GFRA1: variants seen among roughly 807,000 people sequenced by gnomAD.
The protein encoded by GFRA1 is GDNF family receptor alpha-1.
Under a neutral mutation model 51.6 loss-of-function variants are expected in GFRA1, and 16 were observed. The observed-to-expected ratio is 0.31, with a 90% CI of 0.21 to 0.47. GFRA1 has a LOEUF of 0.47. Among genes scored for constraint, GFRA1 ranks in the 20% least tolerant of loss-of-function variants. GFRA1 has a pLI of 1.00. For synonymous variants in GFRA1, 270 were observed against 241.3 expected, an observed-to-expected ratio of 1.12 and a Z score of -1.10; for missense variants, 530 against 594.3, an observed-to-expected ratio of 0.89 and a Z score of 1.13.
At chr10:116,115,872 C>T (rs1269874864) in intron 6 of GFRA1, among the ~76,000 whole-genome samples, 3 of 152,104 alleles carry the variant, frequency 2.0e-5, no homozygotes, top group Non-Finnish European at 4.4e-5. Context: ...GGCTGGTGGA[C>T]AGAGCAGAAG....
At chr10:116,120,375 G>A (rs2244493) in intron 6 of GFRA1, among the ~76,000 whole-genome samples, 128,331 of 152,098 alleles carry the variant, frequency 0.84, 56,807 homozygotes, top group East Asian at 0.98. Context: ...GCCCAAGAGC[G>A]GCCTGGGCAA....
rs1169349809 is a variant in GFRA1, at chr10:116,197,511, CAT to C, written c.433+14118_433+14119del. Among the ~76,000 whole-genome samples, 4 of 152,228 alleles carry C rather than the reference CAT, an allele frequency of 2.6e-5. No individual in the cohort carries two copies. The East Asian group carries it at 7.7e-4, about 29-fold the overall frequency. On this transcript the variant is annotated intron_variant, in intron 5 of 10. Transcript: ENST00000355422. ...TATATATATGTGTCTGTCATTTATA[CAT>C]GTGTGTGCACGTGCATCTGCATATG... is the stretch of plus-strand genomic sequence containing the variant.
chr10:116,098,477 G>A (rs191782383), intron 6 of GFRA1, among the ~76,000 whole-genome samples: 1 of 152,306 alleles, frequency 6.6e-6, no homozygotes, highest in East Asian at 1.9e-4. Context: ...AGCTTGGATT[G>A]AGTGTTAATT....
chr10:116,175,350 G>A (rs150015103), intron 5 of GFRA1, among the ~76,000 whole-genome samples: 8 of 152,228 alleles, frequency 5.3e-5, no homozygotes, highest in Non-Finnish European at 1.2e-4. Flanking sequence ...GTCTAACTAC[G>A]TCCCAGCTCC....
intron 6 of GFRA1, among the ~76,000 whole-genome samples, chr10:116,108,861 G>C (rs1957094988): frequency 6.6e-6 from 1 of 152,226 alleles, no homozygotes; most frequent in East Asian, 1.9e-4. Flanking sequence ...GCCTTGCACA[G>C]AGCAGGTATT....
At chr10:116,162,001 T>G (rs1959858365) in intron 5 of GFRA1, among the ~76,000 whole-genome samples, 1 of 152,236 alleles carries the variant, frequency 6.6e-6, no homozygotes, top group South Asian at 2.1e-4. Flanking sequence ...AATAACCCCC[T>G]TGCTGAGAAG....
At chr10:116,199,754 G>C (rs1043419733) in intron 5 of GFRA1, among the ~76,000 whole-genome samples, 1 of 152,104 alleles carries the variant, frequency 6.6e-6, no homozygotes, top group Admixed American at 6.6e-5. Flanking sequence ...ACAGTGAAAT[G>C]CACAAATCTT....
In GFRA1 at chr10:116,057,280, C is replaced by T. The variant is rs1177090854; in HGVS notation, c.*7118G>A. 4 of 152,160 alleles carry T rather than the reference C, an allele frequency of 2.6e-5. No homozygotes were observed. Among genetic ancestry groups the T allele is most frequent in the Admixed American group, 2.0e-4 (3 of 15,280 alleles). The allele number at this position is 152,160 out of a possible 1,614,324, so 9.4% of individuals were successfully genotyped here. ...ACACAATATAACATGGAGACCCGCC[C>T]GAAGCCTAACTGGAGGCTTCTCAAC... On this transcript the variant is annotated 3_prime_UTR_variant, in exon 11 of 11. Coordinates refer to ENST00000355422, the MANE Select transcript of GFRA1 (RefSeq NM_005264.8).
At chr10:116,099,103 C>A (rs1956719061) in intron 6 of GFRA1, among the ~76,000 whole-genome samples, 1 of 152,310 alleles carries the variant, frequency 6.6e-6, no homozygotes. Context: ...AGGATACTCA[C>A]ATTATAGGAT....
chr10:116,124,628 T>C (rs560707238), intron 6 of GFRA1, among the ~76,000 whole-genome samples: 1 of 152,292 alleles, frequency 6.6e-6, no homozygotes, highest in African/African-American at 2.4e-5. Flanking sequence ...AAGTGAATGC[T>C]TTCAACAACA....
intron 5 of GFRA1, among the ~76,000 whole-genome samples, chr10:116,185,766 C>T (rs1464774624): frequency 1.3e-5 from 2 of 152,190 alleles, no homozygotes; most frequent in South Asian, 4.1e-4. Context: ...CTTAATAAAT[C>T]ATTTGCACGG....
Position 116,258,374 on chromosome 10 carries a change from T to C in GFRA1, c.418+11129A>G, listed in dbSNP as rs969745967. Reference sequence around the variant, plus strand: ...TATATAATATATAATAATAAAATAATATCTAATATATTAATTAATAAAATA... The same window carrying C: ...TATATAATATATAATAATAAAATAACATCTAATATATTAATTAATAAAATA... On this transcript the variant is annotated intron_variant, in intron 4 of 10. Transcript: ENST00000355422. 1.9e-3 allele frequency among the ~76,000 whole-genome samples: 4 copies of C among 2,114 alleles called. No homozygotes were observed. The Admixed American group carries it at 0.036, about 19-fold the overall frequency. The allele number at this position is 2,114 out of a possible 152,430, so 1.4% of individuals were successfully genotyped here.
chr10:116,208,738 G>A (rs957022084), intron 5 of GFRA1, among the ~76,000 whole-genome samples: 1 of 152,228 alleles, frequency 6.6e-6, no homozygotes, highest in African/African-American at 2.4e-5. Context: ...AATCAAGGTT[G>A]AGGCAACGGA....
At chr10:116,248,058 T>C (rs1177447721) in intron 4 of GFRA1, among the ~76,000 whole-genome samples, 1 of 152,230 alleles carries the variant, frequency 6.6e-6, no homozygotes, top group Non-Finnish European at 1.5e-5. Context: ...TTTGCTGTCC[T>C]CTTGACTTTC....
intron 9 of GFRA1, among the ~76,000 whole-genome samples, chr10:116,066,517 T>C (rs930708760): frequency 2.0e-5 from 3 of 152,152 alleles, no homozygotes; most frequent in Admixed American, 2.0e-4. Flanking sequence ...AAAGGTCCCA[T>C]TGCTCAAATA....
chr10:116,173,780 TAA>T (rs1035702389), intron 5 of GFRA1, among the ~76,000 whole-genome samples: 6 of 152,044 alleles, frequency 3.9e-5, no homozygotes, highest in African/African-American at 1.2e-4. Flanking sequence ...TTTCCCCGGT[TAA>T]AAAAAGTCAG....
At chr10:116,114,328 G>A (rs1957327954) in intron 6 of GFRA1, among the ~76,000 whole-genome samples, 4 of 152,188 alleles carry the variant, frequency 2.6e-5, no homozygotes, top group Admixed American at 2.6e-4. Context: ...CTGTGTATCT[G>A]TGTGCCAATA....
In GFRA1 at chr10:116,221,131, T is replaced by C. The variant is rs147861013; in HGVS notation, c.419-9486A>G. Reference sequence around the variant, plus strand: ...CAGGCACTATTTTAAATACTTTACATAGACTGCCTGAATCCTCTCAGTCAC... The same window carrying C: ...CAGGCACTATTTTAAATACTTTACACAGACTGCCTGAATCCTCTCAGTCAC... On this transcript the variant is annotated intron_variant, in intron 4 of 10. Transcript: ENST00000355422. 1.1e-4 allele frequency among the ~76,000 whole-genome samples: 16 copies of C among 152,288 alleles called. No homozygotes were observed. The East Asian group carries it at 2.7e-3, about 26-fold the overall frequency.
intron 5 of GFRA1, among the ~76,000 whole-genome samples, chr10:116,182,536 A>G (rs1042010779): frequency 6.6e-6 from 1 of 152,180 alleles, no homozygotes; most frequent in East Asian, 1.9e-4. Flanking sequence ...ACCAAACTAC[A>G]TTAAGGAACT....
Sources: allele counts gnomAD v4.1 joint callset (sites outside exome capture counted in the v4.1 genomes callset), GRCh38; gene constraint gnomAD v4.1.1; transcripts MANE v1.5; gene names NCBI Gene and HGNC (gene_info 2026-07-23, HGNC 2026-07-21).